Variants in CNTNAP2 observed in about 807,000 individuals in gnomAD.
The protein encoded by CNTNAP2 is contactin-associated protein-like 2.
A neutral mutation model predicts 155.2 loss-of-function variants in CNTNAP2; 98 were observed. The ratio of observed to expected loss-of-function variants is 0.63; its 90% CI spans 0.54 to 0.75. The LOEUF (loss-of-function observed/expected upper bound fraction) is 0.75, where lower values mean the gene tolerates loss of function less well. Ranked by LOEUF, CNTNAP2 falls within the 30% of genes least tolerant of loss-of-function variation. CNTNAP2 has a pLI of 0.00. For synonymous variants in CNTNAP2, 651 were observed against 631.2 expected (o/e 1.03, Z -0.47); for missense variants, 1,727 against 1,688.1 (o/e 1.02, Z -0.40).
chr7:147,740,459 C>T (rs187037563), intron 13 of CNTNAP2, among the ~76,000 whole-genome samples: 142 of 152,146 alleles, frequency 9.3e-4, no homozygotes, highest in African/African-American at 3.2e-3. Context: ...AGGCTTGGTG[C>T]GAGAAATTAC....
chr7:146,497,659 G>A (rs1304794413), intron 1 of CNTNAP2, among the ~76,000 whole-genome samples: 1 of 151,382 alleles, frequency 6.6e-6, no homozygotes, highest in Non-Finnish European at 1.5e-5. Context: ...TAAAAGAAGA[G>A]GTCTTGTCAA....
At chr7:147,659,310 C>T (rs1490875175) in intron 13 of CNTNAP2, among the ~76,000 whole-genome samples, 1 of 152,150 alleles carries the variant, frequency 6.6e-6, no homozygotes, top group Non-Finnish European at 1.5e-5. Context: ...AGATGGAGTA[C>T]TTTATTTCTT....
chr7:147,411,724 A>G (rs1188023084), intron 10 of CNTNAP2, among the ~76,000 whole-genome samples: 1 of 152,120 alleles, frequency 6.6e-6, no homozygotes, highest in Non-Finnish European at 1.5e-5. Flanking sequence ...ATCATATCTC[A>G]TTAGCCAGAT....
chr7:147,604,844 C>A (rs1202352431), intron 12 of CNTNAP2, among the ~76,000 whole-genome samples: 1 of 152,150 alleles, frequency 6.6e-6, no homozygotes, highest in Non-Finnish European at 1.5e-5. Context: ...CACTCTGAGG[C>A]CTTCAATAAT....
intron 1 of CNTNAP2, among the ~76,000 whole-genome samples, chr7:146,193,676 C>T (rs756775494): frequency 3.3e-5 from 5 of 152,184 alleles, no homozygotes; most frequent in Middle Eastern, 3.2e-3. Flanking sequence ...TGAAGGTCTC[C>T]GAGATTCCCT....
intron 9 of CNTNAP2, among the ~76,000 whole-genome samples, chr7:147,365,323 C>G (rs1390703362): frequency 2.2e-5 from 3 of 135,012 alleles, no homozygotes; most frequent in East Asian, 4.4e-4. Context: ...TGCAGTGAGA[C>G]GAGACCAGGC....
chr7:147,140,845 G>T (rs1801577864), intron 8 of CNTNAP2, among the ~76,000 whole-genome samples: 1 of 152,214 alleles, frequency 6.6e-6, no homozygotes, highest in South Asian at 2.1e-4. Flanking sequence ...GAGCTCATTG[G>T]TAGTTATCAG....
intron 2 of CNTNAP2, among the ~76,000 whole-genome samples, chr7:146,815,532 T>G (rs1803149443): frequency 6.6e-6 from 1 of 152,146 alleles, no homozygotes; most frequent in African/African-American, 2.4e-5. Flanking sequence ...GTGAATATAT[T>G]CATAGACACA....
At chr7:146,755,986 G>A (rs1291247189) in intron 1 of CNTNAP2, among the ~76,000 whole-genome samples, 1 of 151,900 alleles carries the variant, frequency 6.6e-6, no homozygotes, top group African/African-American at 2.4e-5. Flanking sequence ...GTGGATGACT[G>A]AAGGAATTTT....
At chr7:148,180,978 A>G (rs1379706359) in intron 18 of CNTNAP2, among the ~76,000 whole-genome samples, 1 of 152,140 alleles carries the variant, frequency 6.6e-6, no homozygotes. Flanking sequence ...AAAAACAGAG[A>G]AAAGGTGGTA....
chr7:146,826,704 T>C (rs1803407241), intron 2 of CNTNAP2, among the ~76,000 whole-genome samples: 1 of 152,106 alleles, frequency 6.6e-6, no homozygotes, highest in Non-Finnish European at 1.5e-5. Context: ...CCTTTCCTAG[T>C]GTGGTCCACT....
intron 10 of CNTNAP2, among the ~76,000 whole-genome samples, chr7:147,460,884 T>G (rs1194650088): frequency 6.6e-6 from 1 of 152,142 alleles, no homozygotes; most frequent in Non-Finnish European, 1.5e-5. Flanking sequence ...GTTAGGGAAG[T>G]CAAGCAGTAA....
chr7:146,119,449 A>T (rs950602339), intron 1 of CNTNAP2, among the ~76,000 whole-genome samples: 1 of 152,164 alleles, frequency 6.6e-6, no homozygotes, highest in Non-Finnish European at 1.5e-5. Flanking sequence ...GCTCATCACT[A>T]TGGTTATGTA....
intron 13 of CNTNAP2, among the ~76,000 whole-genome samples, chr7:147,717,771 T>C (rs1796502790): frequency 6.6e-6 from 1 of 152,010 alleles, no homozygotes; most frequent in African/African-American, 2.4e-5. Flanking sequence ...CTTATAGTTT[T>C]AGCTGCTCAA....
intron 9 of CNTNAP2, among the ~76,000 whole-genome samples, chr7:147,327,210 C>A (rs995117761): frequency 6.6e-6 from 1 of 152,142 alleles, no homozygotes; most frequent in Non-Finnish European, 1.5e-5. Context: ...CTCTTCTGAG[C>A]ATTTTGCTGA....
At position 147,981,264 on chromosome 7, in the gene CNTNAP2, T is replaced by C. The variant is rs138541558; in HGVS notation, c.2383+3275T>C. Among the ~76,000 whole-genome samples, 5 of 152,352 alleles carry C rather than the reference T, an allele frequency of 3.3e-5. No homozygotes were observed. The East Asian group carries it at 7.7e-4, about 24-fold the overall frequency. ...AACTGTACTCTCATCCCTGAGCCAA[T>C]TGTTGATTAAATTAAAATGCCTTAA... On this transcript the variant is annotated intron_variant, in intron 15 of 23. Coordinates refer to ENST00000361727, the MANE Select transcript of CNTNAP2 (RefSeq NM_014141.6).
intron 21 of CNTNAP2, among the ~76,000 whole-genome samples, chr7:148,312,781 CT>C (rs1421279389): frequency 1.3e-5 from 2 of 151,994 alleles, no homozygotes; most frequent in East Asian, 3.9e-4. Flanking sequence ...TTAAAGCATG[CT>C]GTGGGATGGG....
intron 4 of CNTNAP2, among the ~76,000 whole-genome samples, chr7:147,068,113 G>A (rs1013033294): frequency 6.6e-6 from 1 of 152,114 alleles, no homozygotes; most frequent in African/African-American, 2.4e-5. Context: ...AGCCTTTGTT[G>A]CTACAAATCT....
chr7:147,368,726 T>C (rs6950313), intron 9 of CNTNAP2, among the ~76,000 whole-genome samples: 2,512 of 152,332 alleles, frequency 0.016, 73 homozygotes, highest in African/African-American at 0.057. Context: ...TATGTGATTA[T>C]CTCGCAGTTG....
Sources: allele counts gnomAD v4.1 joint callset (sites outside exome capture counted in the v4.1 genomes callset), GRCh38; gene constraint gnomAD v4.1.1; transcripts MANE v1.5; gene names NCBI Gene and HGNC (gene_info 2026-07-23, HGNC 2026-07-21).